Variants in IGSF22 observed in about 807,000 individuals in gnomAD.
IGSF22 encodes immunoglobulin superfamily member 22, also known as immunoglobulin superfamily, member 22.
IGSF22 carries 119 observed loss-of-function variants against 127.0 expected under a neutral mutation model. The ratio of observed to expected loss-of-function variants is 0.94; its 90% CI spans 0.81 to 1.09. The LOEUF (loss-of-function observed/expected upper bound fraction) is 1.09, where lower values mean the gene tolerates loss of function less well. Ranked by LOEUF, IGSF22 falls within the 50% of genes least tolerant of loss-of-function variation. IGSF22 has a pLI of 0.00. For synonymous variants in IGSF22, 568 were observed against 664.7 expected (o/e 0.85, Z 2.24); for missense variants, 1,518 against 1,716.6 (o/e 0.88, Z 2.04).
Position 18,709,718 on chromosome 11 carries a change from A to G in IGSF22, c.2702-35T>C, listed in dbSNP as rs749410168. On this transcript the variant is annotated intron_variant, in intron 17 of 22. Coordinates refer to ENST00000513874, the MANE Select transcript of IGSF22 (RefSeq NM_173588.4). The surrounding 1 kb of genome is among the most constrained non-coding windows in gnomAD (Gnocchi z 4.8). ...AACAGACATGTAGTCAGCCCCTCCA[A>G]CTCATCTCCACTCAATGCCTTGCTC... 1.2e-5 allele frequency: 19 copies of G among 1,579,740 alleles called. No individual in the cohort carries two copies. Among genetic ancestry groups the G allele is most frequent in the South Asian group, 4.6e-5 (4 of 86,516 alleles).
chr11:18,705,823 C>T lies in IGSF22; in HGVS notation c.3904G>A (p.Val1302Ile). The change falls in exon 22 of 23, where the codon GTC becomes ATC. Residue 1302 changes from valine to isoleucine, a missense_variant. Transcript: ENST00000513874. ...GACCCCGCGGCGCCCTCACCATAGA[C>T]GGTGAGCGTGCAGCTGCTGCGGTCC... ...GKDRSSCTLT[V>I]YDKDDKSVVA... 1.3e-6 allele frequency: 2 copies of T among 1,545,414 alleles called. No individual in the cohort carries two copies. The highest frequency in any genetic ancestry group is 8.7e-7 in the Non-Finnish European group (1 of 1,144,786).
intron 4 of IGSF22, among the ~76,000 whole-genome samples, chr11:18,720,978 GT>G (rs745974159): frequency 5.9e-5 from 9 of 152,176 alleles, no homozygotes; most frequent in Non-Finnish European, 1.2e-4. Flanking sequence ...AGATCTCCCC[GT>G]GATCCATCCC....
rs186013835 is a variant in IGSF22, at chr11:18,704,785, G to A, written c.3911-247C>T. On this transcript the variant is annotated intron_variant, in intron 22 of 22. Coordinates refer to ENST00000513874, the MANE Select transcript of IGSF22 (RefSeq NM_173588.4). ...TCCTATAAAGAAGATGAGAAAACAG[G>A]CTCAATGAGGTAGCTTACTAAGGTC... is the stretch of plus-strand genomic sequence containing the variant. 4.4e-4 allele frequency: 198 copies of A among 447,648 alleles called. 1 individual carries two copies. In the East Asian group the frequency reaches 7.0e-3, roughly 16 times the overall value. The allele number at this position is 447,648 out of a possible 1,614,324, so 27.7% of individuals were successfully genotyped here. A position where few individuals can be genotyped will look rare whatever the true frequency, so the allele number is the denominator to read the frequency against.
At position 18,707,900 on chromosome 11, in the gene IGSF22, T is replaced by A. The variant is rs1176049724; in HGVS notation, c.3184A>T (p.Ile1062Phe). The change falls in exon 20 of 23, where the codon ATT becomes TTT. Residue 1062 changes from isoleucine to phenylalanine, a missense_variant. Physicochemically the swap from Ile to Phe is conservative, Grantham distance 21 (BLOSUM62 0). Around this residue, in one of 3 missense-constraint regions of IGSF22, gnomAD observed 1,456 missense variants for 1,644.9 expected, o/e 0.89. Coordinates refer to ENST00000513874, the MANE Select transcript of IGSF22 (RefSeq NM_173588.4). ...GAGTCAGAGCGCTTGGTGCTATTAATGAGGAACTGGGAGTGGTTTTTGCTC... is the reference window on the plus strand; with the variant it reads ...GAGTCAGAGCGCTTGGTGCTATTAAAGAGGAACTGGGAGTGGTTTTTGCTC... ...TKSKNHSQFL[I>F]NSTKRSDSGV... The A allele has an allele frequency of 3.7e-6, 6 of 1,614,076 alleles. No homozygotes were observed. The highest frequency in any genetic ancestry group is 2.5e-6 in the Non-Finnish European group (3 of 1,180,036).
rs568432141 is a variant in IGSF22 at position 18,724,141 on chromosome 11, G to T, written c.96C>A (p.Thr32=). 6.2e-7 allele frequency: 1 copy of T among 1,612,912 alleles called. No homozygotes were observed. The highest frequency in any genetic ancestry group is 2.2e-5 in the East Asian group (1 of 44,862). ...CATTCCACTTGCCTCCCACGATCTT[G>T]GTTGTCTGGGAGAAGGTCTGCACGT... The part of the protein sequence containing the change: ...TTHVQTFSQT[T]KIVGEEVVRR... Residue 32 remains threonine, a synonymous_variant, in exon 2 of 23, where the codon ACC becomes ACA. Coordinates refer to ENST00000513874, the MANE Select transcript of IGSF22 (RefSeq NM_173588.4).
chr11:18,718,179 C>G, intron 8 of IGSF22, 86 bp from the exon 9 acceptor site: 1 of 1,303,064 alleles, frequency 7.7e-7, no homozygotes. Context: ...CCAGCCTAAG[C>G]TGGAGGGTGC....
intron 17 of IGSF22, 147 bp downstream of exon 17, chr11:18,710,180 T>G (rs1848324419): frequency 9.5e-7 from 1 of 1,052,790 alleles, no homozygotes; most frequent in Non-Finnish European, 1.4e-6. Flanking sequence ...CTCTTGTGTG[T>G]GAATCTTGTC....
chr11:18,725,194 C>A (rs1474497807), intron 1 of IGSF22, among the ~76,000 whole-genome samples: 1 of 151,858 alleles, frequency 6.6e-6, no homozygotes, highest in South Asian at 2.1e-4. Flanking sequence ...TTTGGGTGAT[C>A]TCGGCTCATT....
At position 18,714,550 on chromosome 11, in the gene IGSF22, C is replaced by G; in HGVS notation, c.1606G>C (p.Val536Leu). 6.2e-7 allele frequency: 1 copy of G among 1,614,252 alleles called. No homozygotes were observed. Among genetic ancestry groups the G allele is most frequent in the Non-Finnish European group, 8.5e-7 (1 of 1,180,044 alleles). The change falls in exon 12 of 23, where the codon GTG (valine) becomes CTG (leucine). Residue 536 changes from valine to leucine, a missense_variant. Val to Leu is a conservative substitution (Grantham distance 32). This residue lies in a region of IGSF22 where 1,456 missense variants were observed against 1,644.9 expected (regional missense o/e 0.89). Coordinates refer to ENST00000513874, the MANE Select transcript of IGSF22 (RefSeq NM_173588.4). The stretch of plus-strand genomic sequence containing the variant: ...CCCTCCACCTTCTCGTCATTCAGCA[C>G]TACACACAACTCAGCTGGGCTCCCA... The part of the protein sequence containing the change: ...ATGSPAELCV[V>L]LNDEKVEGVW...
chr11:18,705,684 T>C (rs1283852389), intron 22 of IGSF22, 133 bp downstream of exon 22: 3 of 744,242 alleles, frequency 4.0e-6, no homozygotes, highest in Non-Finnish European at 4.3e-6. Context: ...CTGTGGCCAA[T>C]TAAGAATGTT....
intron 20 of IGSF22, 52 bp from the exon 21 acceptor site, chr11:18,707,265 G>A (rs1848257953): frequency 7.0e-7 from 1 of 1,437,410 alleles, no homozygotes; most frequent in African/African-American, 1.4e-5. Flanking sequence ...GAAGTATTAT[G>A]TCCCCACCCC....
In IGSF22 at chr11:18,704,426, C is replaced by G. The variant is rs1418776650; in HGVS notation, c.*42G>C. 5 of 1,404,946 alleles carry G rather than the reference C, an allele frequency of 3.6e-6. No homozygotes were observed. The African/African-American group carries it at 7.2e-5, about 20-fold the overall frequency. 87.0% of individuals were successfully genotyped at this position (1,404,946 alleles called of 1,614,324 possible). On this transcript the variant is annotated 3_prime_UTR_variant, in exon 23 of 23. Transcript: ENST00000513874. Reference sequence around the variant, plus strand: ...CATGCAGAGGACAGGCCAAGAAACTCCACATCATAACAGCCTCCTGATGCC... The same window carrying G: ...CATGCAGAGGACAGGCCAAGAAACTGCACATCATAACAGCCTCCTGATGCC...
intron 7 of IGSF22, 149 bp from the exon 8 acceptor site, chr11:18,718,877 T>G: frequency 1.6e-6 from 1 of 619,844 alleles, no homozygotes; most frequent in Non-Finnish European, 2.9e-6. Context: ...AGTGATCAAC[T>G]GAAAGATTTA....
intron 22 of IGSF22, chr11:18,704,933 C>A (rs757741389): frequency 4.3e-6 from 1 of 229,920 alleles, no homozygotes; most frequent in Non-Finnish European, 8.8e-6. Context: ...ACAGTGCCTT[C>A]CCTGGCCTAG....
At position 18,710,436 on chromosome 11, in the gene IGSF22, A is replaced by C; in HGVS notation, c.2592T>G (p.Asp864Glu). 13 of 1,614,216 alleles carry C rather than the reference A, an allele frequency of 8.1e-6. No individual in the cohort carries two copies. The highest frequency in any genetic ancestry group is 1.1e-5 in the Non-Finnish European group (13 of 1,180,046). Reference protein sequence around the residue: ...DPIQGTKCTVDGLLEDTEYEF... With the variant: ...DPIQGTKCTVEGLLEDTEYEF... Reference sequence around the variant, plus strand: ...CATATTCTGTGTCCTCCAGGAGACCATCCACAGTGCACTTGGTGCCTGAAA... The same window carrying C: ...CATATTCTGTGTCCTCCAGGAGACCCTCCACAGTGCACTTGGTGCCTGAAA... The change falls in exon 17 of 23, where the codon GAT (aspartate) becomes GAG (glutamate). Residue 864 changes from aspartate (D) to glutamate (E), a missense_variant. By Grantham distance (45) the Asp-to-Glu change is conservative. This residue lies in a region of IGSF22 where 1,456 missense variants were observed against 1,644.9 expected (regional missense o/e 0.89). Transcript: ENST00000513874.
intron 15 of IGSF22, among the ~76,000 whole-genome samples, chr11:18,711,782 C>G (rs1045505277): frequency 5.9e-5 from 9 of 152,214 alleles, no homozygotes; most frequent in Non-Finnish European, 1.5e-5. Flanking sequence ...AAAGCAACAT[C>G]ATGCTCACTT....
At chr11:18,705,200 CTG>C (rs1848200206) in intron 22 of IGSF22, among the ~76,000 whole-genome samples, 1 of 152,188 alleles carries the variant, frequency 6.6e-6, no homozygotes, top group East Asian at 1.9e-4. Context: ...GAGAGGAAAG[CTG>C]GGGGAAATTT....
chr11:18,722,102 G>A, intron 2 of IGSF22, 61 bp from the exon 3 acceptor site: 1 of 1,599,736 alleles, frequency 6.3e-7, no homozygotes, highest in East Asian at 2.2e-5. Context: ...CGCGATGGGA[G>A]GACAGAGCTT....
chr11:18,718,443 C>T (rs1253478932), intron 8 of IGSF22, among the ~76,000 whole-genome samples, 172 bp downstream of exon 8: 2 of 152,174 alleles, frequency 1.3e-5, no homozygotes, highest in Non-Finnish European at 2.9e-5. Context: ...TTACATCACA[C>T]AACAAAGGGG....
Sources: gnomAD v4.1 joint callset for allele counts (sites outside exome capture counted in the v4.1 genomes callset) on GRCh38, gnomAD v4.1.1 for gene constraint, gnomAD v4.1.1 regional missense constraint, Gnocchi (gnomAD v3.1) non-coding constraint, MANE v1.5 for transcripts, NCBI Gene and HGNC (gene_info 2026-07-23, HGNC 2026-07-21) for gene names.